AGBL1: variants seen among roughly 807,000 people sequenced by gnomAD.
AGBL1 encodes cytosolic carboxypeptidase 4.
AGBL1 carries 130 observed loss-of-function variants against 118.9 expected under a neutral mutation model. That is an observed-to-expected ratio of 1.09 (90% confidence interval 0.95 to 1.26). The LOEUF (loss-of-function observed/expected upper bound fraction) is 1.26. Among genes scored for constraint, AGBL1 ranks in the 50% most tolerant of loss-of-function variants. AGBL1 has a pLI of 0.00. For synonymous variants in AGBL1, 555 were observed against 478.9 expected (o/e 1.16, Z -2.08); for missense variants, 1,584 against 1,298.1 (o/e 1.22, Z -3.38).
At chr15:86,433,425 C>T (rs985476146) in intron 18 of AGBL1, among the ~76,000 whole-genome samples, 8 of 151,870 alleles carry the variant, frequency 5.3e-5, no homozygotes, top group Non-Finnish European at 7.4e-5. Context: ...AGGCTGTTCC[C>T]TGGAAATTAC....
chr15:86,484,675 A>G (rs1048488574), intron 18 of AGBL1, among the ~76,000 whole-genome samples: 1 of 152,102 alleles, frequency 6.6e-6, no homozygotes, highest in Non-Finnish European at 1.5e-5. Context: ...TAGGAAATGC[A>G]TTTAAAAGAG....
At chr15:86,684,161 A>T (rs1427876100) in intron 22 of AGBL1, among the ~76,000 whole-genome samples, 1 of 152,138 alleles carries the variant, frequency 6.6e-6, no homozygotes, top group Non-Finnish European at 1.5e-5. Flanking sequence ...GAACTAACAG[A>T]TCGTTATGGG....
chr15:86,101,887 G>A (rs1896744465), intron 1 of AGBL1, among the ~76,000 whole-genome samples: 1 of 152,092 alleles, frequency 6.6e-6, no homozygotes, highest in Non-Finnish European at 1.5e-5. Flanking sequence ...TTATTGATAT[G>A]TGAGGGCTTA....
At chr15:87,028,744 C>A in intron 24 of AGBL1, 1 of 1,368,552 alleles carries the variant, frequency 7.3e-7, no homozygotes, top group East Asian at 2.3e-5. Context: ...TCTAAAAGGT[C>A]AATTTGCCAA....
chr15:86,680,565 C>CTTTTTTTTTTTTTTTTTTTTTTTTTTTT (rs34873609), intron 22 of AGBL1, among the ~76,000 whole-genome samples: 2 of 94,682 alleles, frequency 2.1e-5, no homozygotes, highest in Non-Finnish European at 4.0e-5. Flanking sequence ...TCTTTCTTTT[C>CTTTTTTTTTTTTTTTTTTTTTTTTTTTT]TTTTTTTTTT....
At chr15:86,484,591 C>T (rs568483564) in intron 18 of AGBL1, among the ~76,000 whole-genome samples, 8 of 152,224 alleles carry the variant, frequency 5.3e-5, no homozygotes, top group African/African-American at 1.2e-4. Context: ...GCTTCTTCCA[C>T]GTTTCGGTGC....
intron 23 of AGBL1, among the ~76,000 whole-genome samples, chr15:86,923,322 C>G (rs1021998404): frequency 1.2e-4 from 18 of 152,306 alleles, no homozygotes; most frequent in African/African-American, 4.3e-4. Flanking sequence ...ATTTAGCTCA[C>G]CTCTGCCTGC....
chr15:86,256,098 A>G (rs1383703944), intron 7 of AGBL1, among the ~76,000 whole-genome samples: 1 of 152,216 alleles, frequency 6.6e-6, no homozygotes, highest in Admixed American at 6.5e-5. Context: ...AAAGATACTG[A>G]AGAAAATGGT....
At chr15:86,833,594 T>A (rs907467981) in intron 22 of AGBL1, among the ~76,000 whole-genome samples, 1 of 152,136 alleles carries the variant, frequency 6.6e-6, no homozygotes, top group African/African-American at 2.4e-5. Context: ...CTTCCCAGTT[T>A]CAGGTATGTC....
chr15:86,258,095 C>A, intron 9 of AGBL1, 64 bp downstream of exon 9: 1 of 1,529,428 alleles, frequency 6.5e-7, no homozygotes, highest in South Asian at 1.2e-5. Context: ...AAAAATATTA[C>A]TTCCTGTGTT....
chr15:86,558,857 G>A (rs1362088689), intron 21 of AGBL1, among the ~76,000 whole-genome samples: 1 of 152,148 alleles, frequency 6.6e-6, no homozygotes, highest in Non-Finnish European at 1.5e-5. Context: ...TAGGCTGACT[G>A]TATTTATTTT....
At chr15:86,574,157 T>C (rs1321621504) in intron 21 of AGBL1, among the ~76,000 whole-genome samples, 2 of 152,224 alleles carry the variant, frequency 1.3e-5, no homozygotes, top group Admixed American at 6.5e-5. Context: ...ATGTGGGCTA[T>C]TGCTGGATAG....
intron 6 of AGBL1, among the ~76,000 whole-genome samples, chr15:86,237,152 G>A (rs1478759792): frequency 6.6e-6 from 1 of 152,120 alleles, no homozygotes; most frequent in African/African-American, 2.4e-5. Context: ...AACTTCCCAA[G>A]GACCCTCTTT....
At chr15:86,833,471 T>G (rs1233808216) in intron 22 of AGBL1, among the ~76,000 whole-genome samples, 1 of 152,124 alleles carries the variant, frequency 6.6e-6, no homozygotes, top group Non-Finnish European at 1.5e-5. Context: ...TGCTTTTGCT[T>G]CTTCCTCACT....
At chr15:86,276,739 C>T (rs535106904) in intron 15 of AGBL1, among the ~76,000 whole-genome samples, 1 of 152,206 alleles carries the variant, frequency 6.6e-6, no homozygotes, top group South Asian at 2.1e-4. Context: ...GCTTTCCATA[C>T]AAAGCAAGAA....
At chr15:86,495,571 G>C (rs2082840390) in intron 18 of AGBL1, among the ~76,000 whole-genome samples, 1 of 151,644 alleles carries the variant, frequency 6.6e-6, no homozygotes, top group South Asian at 2.1e-4. Flanking sequence ...GATGCCAGAA[G>C]GTCATGGTAG....
intron 1 of AGBL1, among the ~76,000 whole-genome samples, chr15:86,102,144 G>A (rs371401032): frequency 6.6e-5 from 10 of 151,712 alleles, no homozygotes; most frequent in East Asian, 5.8e-4. Flanking sequence ...AGGTTCAAGC[G>A]ATCCGCTCAC....
At chr15:86,248,723 GA>G (rs1189665720) in intron 7 of AGBL1, among the ~76,000 whole-genome samples, 1 of 152,192 alleles carries the variant, frequency 6.6e-6, no homozygotes, top group Non-Finnish European at 1.5e-5. Context: ...ATCCTATAGG[GA>G]AAACCTCCTA....
intron 23 of AGBL1, among the ~76,000 whole-genome samples, chr15:86,966,346 T>G (rs1211330006): frequency 2.6e-5 from 4 of 151,864 alleles, no homozygotes; most frequent in African/African-American, 7.3e-5. Flanking sequence ...TTATTATACT[T>G]TAAGTTTTGG....
Sources: allele counts gnomAD v4.1 joint callset (sites outside exome capture counted in the v4.1 genomes callset), GRCh38; gene constraint gnomAD v4.1.1; transcripts MANE v1.5; gene names NCBI Gene and HGNC (gene_info 2026-07-23, HGNC 2026-07-21).